Variants in LRCH2 observed in about 807,000 individuals in gnomAD.
The protein encoded by LRCH2 is leucine-rich repeat and calponin homology domain-containing protein 2.
Under a neutral mutation model 68.9 loss-of-function variants are expected in LRCH2, and 38 were observed. The ratio of observed to expected loss-of-function variants is 0.55; its 90% CI spans 0.43 to 0.72. The LOEUF (loss-of-function observed/expected upper bound fraction) is 0.72, where lower values mean the gene tolerates loss of function less well. Ranked by LOEUF, LRCH2 falls within the 30% of genes least tolerant of loss-of-function variation. LRCH2 has a pLI of 0.00. For synonymous variants in LRCH2, 191 were observed against 208.1 expected, an observed-to-expected ratio of 0.92 and a Z score of 0.71; for missense variants, 528 against 572.9, an observed-to-expected ratio of 0.92 and a Z score of 0.80.
chrX:115,145,824 C>T (rs1013232894), intron 14 of LRCH2, among the ~76,000 whole-genome samples: 19 of 111,431 alleles, frequency 1.7e-4, no homozygotes, highest in African/African-American at 5.9e-4. Context: ...AGGGAACCCT[C>T]GTACACTGTT....
chrX:115,219,538 G>A (rs1479642626), intron 1 of LRCH2, among the ~76,000 whole-genome samples: 1 of 111,504 alleles, frequency 9.0e-6, no homozygotes, highest in Non-Finnish European at 1.9e-5. Context: ...TACTAACACA[G>A]GCAGAGAAGG....
Position 115,165,894 on chromosome X carries a change from T to G in LRCH2, c.1145A>C (p.Gln382Pro), listed in dbSNP as rs782704084. The change falls in exon 8 of 21, where the codon CAG becomes CCG. Residue 382 changes from glutamine to proline, a missense_variant. By Grantham distance (76) the Gln-to-Pro change is moderately conservative (BLOSUM62 -1). Coordinates refer to ENST00000317135, the MANE Select transcript of LRCH2 (RefSeq NM_020871.4). ...HSQVSESNRE[Q>P]TSRNDSHIIG... Reference sequence around the variant, plus strand: ...TATGTGACTGTCATTTCTTGATGTCTGCTCTCTATTTGATTCTGAGACTTG... The same window carrying G: ...TATGTGACTGTCATTTCTTGATGTCGGCTCTCTATTTGATTCTGAGACTTG... 26 of 1,166,436 alleles carry G rather than the reference T, an allele frequency of 2.2e-5. No homozygotes were observed. The highest frequency in any genetic ancestry group is 9.6e-5 in the South Asian group (5 of 52,319).
intron 1 of LRCH2, among the ~76,000 whole-genome samples, chrX:115,200,736 T>C (rs2072924750): frequency 9.1e-6 from 1 of 110,164 alleles, no homozygotes; most frequent in South Asian, 3.9e-4. Context: ...AAAGAAGGAA[T>C]ACCGCTCCTC....
rs1424620713 is a variant in LRCH2, at chrX:115,177,073, T to A, written c.864+2354A>T. On this transcript the variant is annotated intron_variant, in intron 5 of 20. Transcript: ENST00000317135. ...TTTTTTTTTTTTTTTTTTTTTTTTT[T>A]AAAGACAGAGTCTCACTCTGCTGTC... Among the ~76,000 whole-genome samples the A allele has an allele frequency of 5.2e-4, 42 of 80,382 alleles. No individual in the cohort carries two copies. In the East Asian group the frequency reaches 7.5e-3, roughly 14 times the overall value. The allele number at this position is 80,382 out of a possible 115,157, so 69.8% of individuals were successfully genotyped here.
At chrX:115,190,167 A>T (rs1556556871) in intron 1 of LRCH2, 2 of 1,164,344 alleles carry the variant, frequency 1.7e-6, no homozygotes, top group Non-Finnish European at 2.3e-6. Flanking sequence ...TCCGGGAGCC[A>T]CTGCCCCCGT....
chrX:115,207,872 C>CA (rs1475219221), intron 1 of LRCH2, among the ~76,000 whole-genome samples: 1 of 111,554 alleles, frequency 9.0e-6, no homozygotes, highest in Non-Finnish European at 1.9e-5. Context: ...TAAATGCCAT[C>CA]ACAGGTATCC....
intron 14 of LRCH2, among the ~76,000 whole-genome samples, chrX:115,142,528 A>T (rs782743809): frequency 8.9e-6 from 1 of 112,157 alleles, no homozygotes; most frequent in South Asian, 3.7e-4. Context: ...AAGAATTTTT[A>T]AAACTATACA....
intron 1 of LRCH2, among the ~76,000 whole-genome samples, chrX:115,212,682 G>C (rs1474171522): frequency 1.8e-5 from 2 of 109,552 alleles, no homozygotes; most frequent in Non-Finnish European, 3.8e-5. Flanking sequence ...TTAAGAGACA[G>C]GGTCTTGGGT....
intron 1 of LRCH2, among the ~76,000 whole-genome samples, chrX:115,200,603 G>A (rs1170709522): frequency 9.3e-6 from 1 of 108,012 alleles, no homozygotes; most frequent in Non-Finnish European, 1.9e-5. Flanking sequence ...ATCTAAACAG[G>A]CCAATAATGA....
chrX:115,189,338 C>CA, intron 1 of LRCH2: 1 of 897,755 alleles, frequency 1.1e-6, no homozygotes, highest in African/African-American at 2.0e-5. Flanking sequence ...CATCCACCCC[C>CA]CCAACCGGTA....
chrX:115,165,987 T>C, intron 7 of LRCH2, 35 bp from the exon 8 acceptor site: 1 of 969,540 alleles, frequency 1.0e-6, no homozygotes. Context: ...AAATGAGGCA[T>C]TTTAAACTTA....
Position 115,163,916 on chromosome X carries a change from G to T in LRCH2, c.1356-133C>A, listed in dbSNP as rs1240611470. 5 of 424,742 alleles carry T rather than the reference G, an allele frequency of 1.2e-5. No individual in the cohort carries two copies. The Admixed American group carries it at 1.7e-4, about 15-fold the overall frequency. 35.0% of individuals were successfully genotyped at this position (424,742 alleles called of 1,213,427 possible). The stretch of plus-strand genomic sequence containing the variant: ...AAATCCTAGGTCCTTCTTTTAAAAT[G>T]CTAAAATAAGAAATAAGGAAAACTT... On this transcript the variant is annotated intron_variant, in intron 10 of 20. Transcript: ENST00000317135.
At chrX:115,228,296 C>G (rs1354046641) in intron 1 of LRCH2, among the ~76,000 whole-genome samples, 1 of 111,202 alleles carries the variant, frequency 9.0e-6, no homozygotes, top group South Asian at 3.8e-4. Context: ...TTCCAGATAA[C>G]TGATTATAAG....
At chrX:115,215,286 A>G (rs184365260) in intron 1 of LRCH2, among the ~76,000 whole-genome samples, 1 of 111,861 alleles carries the variant, frequency 8.9e-6, no homozygotes, top group Admixed American at 9.5e-5. Flanking sequence ...GTTACATAAA[A>G]AGAAGGAAAA....
At chrX:115,233,623 C>T in intron 1 of LRCH2, 70 bp downstream of exon 1, 2 of 1,020,187 alleles carry the variant, frequency 2.0e-6, no homozygotes, top group South Asian at 4.8e-5. Context: ...TCCAACAACG[C>T]AGCCACGCAG....
chrX:115,184,423 A>C lies in LRCH2; in HGVS notation c.609T>G (p.Asp203Glu), dbSNP rs2072716397. ...CTAAGTTACTCACCAATTCCATTAA[A>C]TCTTTTAACTTCCCAATTTCTTCTG... is the stretch of plus-strand genomic sequence containing the variant. ...SIPEEIGKLK[D>E]LMELDISCNE... The change falls in exon 3 of 21, where the codon GAT (aspartate) becomes GAG (glutamate). Residue 203 changes from aspartate (D) to glutamate (E), a missense_variant. Transcript: ENST00000317135. The C allele has an allele frequency of 1.7e-6, 2 of 1,171,914 alleles. No individual in the cohort carries two copies. The highest frequency in any genetic ancestry group is 2.3e-6 in the Non-Finnish European group (2 of 873,983).
At chrX:115,218,750 G>T in intron 1 of LRCH2, among the ~76,000 whole-genome samples, 1 of 112,182 alleles carries the variant, frequency 8.9e-6, no homozygotes, top group East Asian at 2.8e-4. Flanking sequence ...CTCTAGCAGG[G>T]TATTTGGACC....
At chrX:115,125,467 A>ACG (rs2072181476) in intron 16 of LRCH2, among the ~76,000 whole-genome samples, 5 of 90 alleles carry the variant, frequency 0.056, 1 homozygote, top group Non-Finnish European at 0.11. Context: ...ATATATATAT[A>ACG]TATATATATA....
chrX:115,174,601 C>CCACA (rs59364428), intron 5 of LRCH2, among the ~76,000 whole-genome samples: 6 of 66,599 alleles, frequency 9.0e-5, no homozygotes, highest in African/African-American at 3.0e-4. Flanking sequence ...ACCCCCCCCC[C>CCACA]CACACACACA....
Sources: gnomAD v4.1 joint callset for allele counts (sites outside exome capture counted in the v4.1 genomes callset) on GRCh38, gnomAD v4.1.1 for gene constraint, MANE v1.5 for transcripts, NCBI Gene and HGNC (gene_info 2026-07-23, HGNC 2026-07-21) for gene names.